SYN3: variants seen among roughly 807,000 people sequenced by gnomAD.
SYN3 encodes the protein synapsin III.
A neutral mutation model predicts 65.8 loss-of-function variants in SYN3; 35 were observed. That is an observed-to-expected ratio of 0.53 (90% CI 0.41 to 0.70). The LOEUF is 0.70. Ranked by LOEUF, SYN3 falls within the 30% of genes least tolerant of loss-of-function variation. The probability of loss-of-function intolerance (pLI) is 0.00; values close to 1 mark genes in which losing one functional copy is unlikely to be tolerated. For synonymous variants in SYN3, 270 were observed against 292.9 expected (o/e 0.92, Z 0.80); for missense variants, 680 against 749.0 (o/e 0.91, Z 1.08).
intron 6 of SYN3, among the ~76,000 whole-genome samples, chr22:32,693,172 AATAAT>A (rs1476253228): frequency 1.3e-5 from 2 of 152,344 alleles, no homozygotes; most frequent in East Asian, 3.8e-4. Context: ...AGCAAGAACT[AATAAT>A]AAAATAGAAC....
At chr22:32,538,714 A>G (rs2058204321) in intron 8 of SYN3, among the ~76,000 whole-genome samples, 1 of 91,372 alleles carries the variant, frequency 1.1e-5, no homozygotes, top group Non-Finnish European at 2.3e-5. Context: ...TGCCTCCCTA[A>G]GTCCTGCTCA....
chr22:33,047,284 T>A (rs2054084244), intron 1 of SYN3, among the ~76,000 whole-genome samples: 1 of 152,160 alleles, frequency 6.6e-6, no homozygotes, highest in African/African-American at 2.4e-5. Context: ...GCACTTAGAA[T>A]CTGCCTATCA....
intron 6 of SYN3, among the ~76,000 whole-genome samples, chr22:32,834,404 C>A (rs1457481795): frequency 6.6e-6 from 1 of 152,080 alleles, no homozygotes; most frequent in Admixed American, 6.5e-5. Context: ...CTCAGGTGAT[C>A]AGCCTGCCTT....
intron 6 of SYN3, among the ~76,000 whole-genome samples, chr22:32,621,297 CTTTTTT>C (rs58499520): frequency 9.9e-5 from 14 of 140,988 alleles, no homozygotes; most frequent in African/African-American, 2.8e-4. Context: ...TAACTTTTGC[CTTTTTT>C]TTTTTTTTTT....
At chr22:32,578,196 TTCTC>T (rs982216169) in intron 7 of SYN3, among the ~76,000 whole-genome samples, 10 of 147,094 alleles carry the variant, frequency 6.8e-5, no homozygotes, top group African/African-American at 1.7e-4. Flanking sequence ...CTTTCTTTCT[TTCTC>T]TCTCTTTCTT....
chr22:33,022,676 G>A (rs1286705258), intron 1 of SYN3, among the ~76,000 whole-genome samples: 2 of 152,120 alleles, frequency 1.3e-5, no homozygotes, highest in Non-Finnish European at 1.5e-5. Flanking sequence ...CCTCTGGTTG[G>A]AGAACACCCC....
chr22:32,930,493 T>A (rs2050597771), intron 4 of SYN3, among the ~76,000 whole-genome samples: 1 of 152,180 alleles, frequency 6.6e-6, no homozygotes, highest in African/African-American at 2.4e-5. Flanking sequence ...GAAAAAGGAC[T>A]AATATACCAA....
chr22:32,865,214 C>T (rs527495755), intron 5 of SYN3, among the ~76,000 whole-genome samples: 43 of 152,304 alleles, frequency 2.8e-4, no homozygotes, highest in Non-Finnish European at 4.1e-4. Context: ...CATTTCTGCC[C>T]AAGACCTAGT....
At chr22:32,546,221 G>A (rs914563311) in intron 7 of SYN3, among the ~76,000 whole-genome samples, 18 of 152,174 alleles carry the variant, frequency 1.2e-4, no homozygotes, top group Admixed American at 1.3e-4. Flanking sequence ...GAGGACAGAC[G>A]AGTGTTGTCC....
chr22:32,964,686 A>G (rs2051771931), intron 3 of SYN3, among the ~76,000 whole-genome samples: 2 of 152,308 alleles, frequency 1.3e-5, no homozygotes, highest in Admixed American at 1.3e-4. Context: ...GGAGTTGCTG[A>G]AGGACGAAAT....
intron 6 of SYN3, among the ~76,000 whole-genome samples, chr22:32,718,017 A>G (rs1186873100): frequency 6.6e-6 from 1 of 152,200 alleles, no homozygotes; most frequent in East Asian, 1.9e-4. Flanking sequence ...ACAGAGATTT[A>G]AGGCGACTAG....
At chr22:32,600,455 C>G (rs1158958847) in intron 6 of SYN3, among the ~76,000 whole-genome samples, 2 of 152,136 alleles carry the variant, frequency 1.3e-5, no homozygotes, top group Non-Finnish European at 2.9e-5. Flanking sequence ...AGGCCATGGA[C>G]CTGTACTGGT....
At chr22:32,689,008 A>G (rs1163670002) in intron 6 of SYN3, among the ~76,000 whole-genome samples, 1 of 152,232 alleles carries the variant, frequency 6.6e-6, no homozygotes. Context: ...AATGGGAATA[A>G]TCATATGTAT....
intron 6 of SYN3, among the ~76,000 whole-genome samples, chr22:32,758,538 C>T (rs1470924289): frequency 2.0e-5 from 3 of 150,358 alleles, no homozygotes; most frequent in South Asian, 2.1e-4. Context: ...ATCTTTCTCC[C>T]GTGCTGGATG....
At chr22:32,634,189 T>C (rs969984270) in intron 6 of SYN3, among the ~76,000 whole-genome samples, 1 of 152,198 alleles carries the variant, frequency 6.6e-6, no homozygotes. Context: ...TTATCCCTGT[T>C]GTATAGATAA....
At chr22:32,935,599 C>T (rs753207995) in intron 3 of SYN3, among the ~76,000 whole-genome samples, 10 of 151,980 alleles carry the variant, frequency 6.6e-5, no homozygotes, top group Non-Finnish European at 1.5e-4. Context: ...CACAGGCACC[C>T]GCCACCGCGC....
chr22:32,821,485 A>G (rs993613690), intron 6 of SYN3, among the ~76,000 whole-genome samples: 4 of 152,232 alleles, frequency 2.6e-5, no homozygotes, highest in African/African-American at 9.6e-5. Context: ...ATTTATTAAT[A>G]TAATGGATGG....
At chr22:32,978,002 A>C (rs921111418) in intron 3 of SYN3, among the ~76,000 whole-genome samples, 1 of 152,238 alleles carries the variant, frequency 6.6e-6, no homozygotes, top group Admixed American at 6.5e-5. Flanking sequence ...GGGAATAACC[A>C]GGTTACCTGA....
At chr22:32,745,316 T>C (rs1289627360) in intron 6 of SYN3, among the ~76,000 whole-genome samples, 1 of 152,216 alleles carries the variant, frequency 6.6e-6, no homozygotes, top group Admixed American at 6.5e-5. Context: ...AGTCACCGCC[T>C]GTCTTTCCTG....
Sources: allele counts gnomAD v4.1 joint callset (sites outside exome capture counted in the v4.1 genomes callset), GRCh38; gene constraint gnomAD v4.1.1; transcripts MANE v1.5; gene names NCBI Gene and HGNC (gene_info 2026-07-23, HGNC 2026-07-21).